Variants in CNTNAP2 observed in about 807,000 individuals in gnomAD.
CNTNAP2 encodes the protein contactin associated protein 2.
Under a neutral mutation model 155.2 loss-of-function variants are expected in CNTNAP2, and 98 were observed. The ratio of observed to expected loss-of-function variants is 0.63; its 90% CI spans 0.54 to 0.75. CNTNAP2 has a LOEUF of 0.75. CNTNAP2 is among the 30% of genes least tolerant of loss of function. The pLI, the probability that CNTNAP2 is intolerant of heterozygous loss-of-function variation, is 0.00. For synonymous variants in CNTNAP2, 651 were observed against 631.2 expected (o/e 1.03, Z -0.47); for missense variants, 1,727 against 1,688.1 (o/e 1.02, Z -0.40).
intron 14 of CNTNAP2, among the ~76,000 whole-genome samples, chr7:147,952,984 G>C (rs1361058844): frequency 6.6e-6 from 1 of 152,168 alleles, no homozygotes; most frequent in Non-Finnish European, 1.5e-5. Context: ...AGGTCACGTA[G>C]TATGTGGCAA....
chr7:148,386,577 T>A (rs1799201198), intron 22 of CNTNAP2, among the ~76,000 whole-genome samples: 2 of 152,164 alleles, frequency 1.3e-5, no homozygotes, highest in Non-Finnish European at 2.9e-5. Flanking sequence ...ATAATATGAT[T>A]TTCCTCTTTT....
chr7:146,147,053 A>G (rs1433548221), intron 1 of CNTNAP2, among the ~76,000 whole-genome samples: 1 of 152,172 alleles, frequency 6.6e-6, no homozygotes, highest in Admixed American at 6.6e-5. Context: ...TACAGACTTT[A>G]ATTTAAGACA....
chr7:147,828,379 T>C (rs1295055726), intron 13 of CNTNAP2, among the ~76,000 whole-genome samples: 3 of 152,220 alleles, frequency 2.0e-5, no homozygotes, highest in Admixed American at 2.0e-4. Context: ...ATATGTAAAA[T>C]GAGCCTCATA....
chr7:147,455,087 C>T (rs1797898153), intron 10 of CNTNAP2, among the ~76,000 whole-genome samples: 1 of 152,122 alleles, frequency 6.6e-6, no homozygotes, highest in Non-Finnish European at 1.5e-5. Flanking sequence ...TCAACTTTGA[C>T]TTTCTGATCA....
intron 14 of CNTNAP2, among the ~76,000 whole-genome samples, chr7:147,906,657 A>C (rs1040433347): frequency 1.3e-5 from 2 of 152,018 alleles, no homozygotes; most frequent in South Asian, 2.1e-4. Flanking sequence ...TTGTGATTTC[A>C]CCATGTTGGC....
At position 146,263,846 on chromosome 7, in the gene CNTNAP2, A is replaced by C. The variant is rs988134955; in HGVS notation, c.97+146873A>C. 5.3e-5 allele frequency among the ~76,000 whole-genome samples: 8 copies of C among 152,356 alleles called. No individual in the cohort carries two copies. In the East Asian group the frequency reaches 1.5e-3, roughly 29 times the overall value. ...ACCCATTTAAGGGACAGGGAAATAC[A>C]TTAAATCCAGATAAATTACCTGAGA... On this transcript the variant is annotated intron_variant, in intron 1 of 23. Coordinates refer to ENST00000361727, the MANE Select transcript of CNTNAP2 (RefSeq NM_014141.6).
intron 2 of CNTNAP2, among the ~76,000 whole-genome samples, chr7:146,774,842 T>C (rs73740861): frequency 0.012 from 1,887 of 152,326 alleles, 45 homozygotes; most frequent in African/African-American, 0.042. Context: ...ACCCAGAATG[T>C]AGCTCTATTA....
chr7:146,419,786 A>G lies in CNTNAP2; in HGVS notation c.97+302813A>G, dbSNP rs73738761. ...ATATTGCAGTGTTTACATTCCTGCC[A>G]CCAGGTTGCCCACAGTTATTTTGAA... On this transcript the variant is annotated intron_variant, in intron 1 of 23. Coordinates refer to ENST00000361727, the MANE Select transcript of CNTNAP2 (RefSeq NM_014141.6). Among the ~76,000 whole-genome samples the G allele has an allele frequency of 2.4e-3, 366 of 152,216 alleles. 2 individuals are homozygous for G. The highest frequency in any genetic ancestry group is 8.5e-3 in the African/African-American group (352 of 41,554).
intron 15 of CNTNAP2, among the ~76,000 whole-genome samples, chr7:148,004,807 A>G (rs537060885): frequency 2.6e-4 from 39 of 152,306 alleles, no homozygotes; most frequent in African/African-American, 9.4e-4. Context: ...AGTTTTTCTC[A>G]GTGTTTCAGA....
At chr7:146,195,333 C>T (rs1223191965) in intron 1 of CNTNAP2, among the ~76,000 whole-genome samples, 2 of 152,136 alleles carry the variant, frequency 1.3e-5, no homozygotes, top group Non-Finnish European at 2.9e-5. Flanking sequence ...GTTGAGAATA[C>T]TGCACATTCA....
At chr7:146,361,437 T>A (rs1446660507) in intron 1 of CNTNAP2, among the ~76,000 whole-genome samples, 1 of 152,164 alleles carries the variant, frequency 6.6e-6, no homozygotes, top group Non-Finnish European at 1.5e-5. Context: ...AGTACATGAT[T>A]TAAACTACTT....
intron 22 of CNTNAP2, among the ~76,000 whole-genome samples, chr7:148,386,746 G>A (rs750609823): frequency 2.0e-5 from 3 of 152,104 alleles, no homozygotes; most frequent in Admixed American, 2.0e-4. Context: ...GTACCTGGGG[G>A]CCTGCAAATT....
At chr7:148,301,363 A>AT (rs1415822101) in intron 21 of CNTNAP2, among the ~76,000 whole-genome samples, 60 of 109,696 alleles carry the variant, frequency 5.5e-4, no homozygotes, top group Non-Finnish European at 8.0e-4. Context: ...ATTTTACTGC[A>AT]TAAAAAAAAA....
chr7:147,721,323 G>A (rs1796563446), intron 13 of CNTNAP2, among the ~76,000 whole-genome samples: 1 of 151,962 alleles, frequency 6.6e-6, no homozygotes. Context: ...GGACTTGGTT[G>A]ACAAAATCAG....
intron 15 of CNTNAP2, among the ~76,000 whole-genome samples, chr7:148,113,168 T>C (rs1490548449): frequency 6.6e-6 from 1 of 152,194 alleles, no homozygotes; most frequent in Non-Finnish European, 1.5e-5. Flanking sequence ...AAAAGAGGTT[T>C]AATTGGTTCA....
At chr7:146,215,785 T>G (rs1278268623) in intron 1 of CNTNAP2, among the ~76,000 whole-genome samples, 1 of 152,206 alleles carries the variant, frequency 6.6e-6, no homozygotes, top group African/African-American at 2.4e-5. Context: ...ACTTATTGAA[T>G]TCAGACAAGG....
At chr7:147,599,885 T>C (rs1800911108) in intron 12 of CNTNAP2, among the ~76,000 whole-genome samples, 1 of 152,218 alleles carries the variant, frequency 6.6e-6, no homozygotes, top group Non-Finnish European at 1.5e-5. Flanking sequence ...GTGGACATGA[T>C]TTGGGGATGA....
intron 3 of CNTNAP2, among the ~76,000 whole-genome samples, chr7:146,925,219 T>C (rs1796583014): frequency 6.6e-6 from 1 of 152,132 alleles, no homozygotes; most frequent in Non-Finnish European, 1.5e-5. Context: ...GATTAATCAC[T>C]TGTAATTTTC....
chr7:147,112,942 A>T (rs1800912467), intron 5 of CNTNAP2, among the ~76,000 whole-genome samples: 1 of 151,880 alleles, frequency 6.6e-6, no homozygotes, highest in South Asian at 2.1e-4. Context: ...AGGTTTTTGG[A>T]ATAGTTTGAA....
Sources: gnomAD v4.1 joint callset for allele counts (sites outside exome capture counted in the v4.1 genomes callset) on GRCh38, gnomAD v4.1.1 for gene constraint, MANE v1.5 for transcripts, NCBI Gene and HGNC (gene_info 2026-07-23, HGNC 2026-07-21) for gene names.